The following PLXNA4 variants were observed in gnomAD, a reference collection of about 807,000 sequenced individuals.
PLXNA4 encodes plexin-A4.
In PLXNA4, 44 loss-of-function variants were observed where a neutral mutation model predicts 191.8. The observed-to-expected ratio is 0.23, with a 90% CI of 0.18 to 0.29. The LOEUF is 0.29. PLXNA4 is among the 10% of genes least tolerant of loss of function. PLXNA4 has a pLI of 1.00. For synonymous variants in PLXNA4, 1,082 were observed against 1,009.5 expected, an observed-to-expected ratio of 1.07 and a Z score of -1.36; for missense variants, 1,800 against 2,488.8, an observed-to-expected ratio of 0.72 and a Z score of 5.89.
chr7:132,626,005 C>T lies in PLXNA4; in HGVS notation c.-87+19923G>A, dbSNP rs193208854. Among the ~76,000 whole-genome samples, 97 of 152,330 alleles carry T rather than the reference C, an allele frequency of 6.4e-4. 1 individual carries two copies. Among genetic ancestry groups the T allele is most frequent in the African/African-American group, 2.2e-3 (92 of 41,574 alleles). On this transcript the variant is annotated intron_variant, in intron 2 of 4. Coordinates refer to the PLXNA4 transcript ENST00000378539. ...AAGCTTTAAGCAGGTCTTCTCCCCTCACAGGCCTCTCTATTCAGTTTATCC... is the reference window on the plus strand; with the variant it reads ...AAGCTTTAAGCAGGTCTTCTCCCCTTACAGGCCTCTCTATTCAGTTTATCC...
intron 4 of PLXNA4, among the ~76,000 whole-genome samples, chr7:132,287,043 G>T (rs1563013295): frequency 6.6e-6 from 1 of 152,140 alleles, no homozygotes; most frequent in Non-Finnish European, 1.5e-5. Context: ...GTTTTTGTTT[G>T]TTTGTTTTGG....
chr7:132,634,825 C>T (rs1010410933), intron 2 of PLXNA4, among the ~76,000 whole-genome samples: 1 of 152,092 alleles, frequency 6.6e-6, no homozygotes. Flanking sequence ...TTGAAGGATG[C>T]AAAATATTGA....
At chr7:132,601,927 T>C (rs543997405) in intron 2 of PLXNA4, among the ~76,000 whole-genome samples, 1 of 152,318 alleles carries the variant, frequency 6.6e-6, no homozygotes, top group East Asian at 1.9e-4. Flanking sequence ...AGAAAAGCAA[T>C]GTGGGAGCTG....
At chr7:132,574,999 C>G (rs950325230) in intron 1 of PLXNA4, among the ~76,000 whole-genome samples, 1 of 152,188 alleles carries the variant, frequency 6.6e-6, no homozygotes, top group Non-Finnish European at 1.5e-5. Flanking sequence ...ACAGAGGGTA[C>G]AAGCTTATTC....
chr7:132,551,751 A>G (rs926394663), intron 1 of PLXNA4, among the ~76,000 whole-genome samples: 2 of 152,224 alleles, frequency 1.3e-5, no homozygotes, highest in Non-Finnish European at 2.9e-5. Flanking sequence ...AAAGTGATTT[A>G]AGCCCCGGAA....
At chr7:132,624,737 C>A (rs1201400098) in intron 2 of PLXNA4, among the ~76,000 whole-genome samples, 1 of 152,152 alleles carries the variant, frequency 6.6e-6, no homozygotes, top group African/African-American at 2.4e-5. Context: ...TAAACACCAG[C>A]CCCACCAGCA....
At chr7:132,230,237 C>T (rs144923308) in intron 5 of PLXNA4, among the ~76,000 whole-genome samples, 3 of 152,290 alleles carry the variant, frequency 2.0e-5, no homozygotes, top group East Asian at 1.9e-4. Context: ...ACGCACCCTG[C>T]GGCCTGTAGA....
intron 10 of PLXNA4, among the ~76,000 whole-genome samples, chr7:132,205,282 C>A (rs753998114): frequency 2.6e-4 from 40 of 152,088 alleles, no homozygotes; most frequent in Non-Finnish European, 7.4e-5. Flanking sequence ...CAGAATCACC[C>A]GGGGGGCCTA....
chr7:132,264,684 C>CTTTTTTTTT (rs56218905), intron 4 of PLXNA4, among the ~76,000 whole-genome samples: 2 of 130,322 alleles, frequency 1.5e-5, no homozygotes, highest in Admixed American at 7.8e-5. Context: ...GTCCTCCCCG[C>CTTTTTTTTT]TTTTTTTTTT....
intron 3 of PLXNA4, among the ~76,000 whole-genome samples, chr7:132,394,664 A>G (rs1344251048): frequency 6.6e-6 from 1 of 152,256 alleles, no homozygotes; most frequent in East Asian, 1.9e-4. Flanking sequence ...CGCACGCAAC[A>G]TGCAATTAAA....
At chr7:132,362,663 G>A (rs1285264167) in intron 3 of PLXNA4, among the ~76,000 whole-genome samples, 1 of 152,184 alleles carries the variant, frequency 6.6e-6, no homozygotes, top group Non-Finnish European at 1.5e-5. Context: ...GGTATCACAT[G>A]CTATGTGTAT....
intron 7 of PLXNA4, among the ~76,000 whole-genome samples, 180 bp downstream of exon 7, chr7:132,227,271 C>T (rs930912260): frequency 6.6e-6 from 1 of 152,226 alleles, no homozygotes; most frequent in African/African-American, 2.4e-5. Context: ...ACAGTCAATG[C>T]CAAGGGCAAT....
intron 3 of PLXNA4, among the ~76,000 whole-genome samples, chr7:132,486,833 G>A (rs549978811): frequency 3.3e-5 from 5 of 152,282 alleles, no homozygotes; most frequent in South Asian, 4.2e-4. Flanking sequence ...CTGCCTGACC[G>A]ACTGCTGGAC....
At chr7:132,261,806 C>T (rs1423863025) in intron 4 of PLXNA4, among the ~76,000 whole-genome samples, 1 of 152,228 alleles carries the variant, frequency 6.6e-6, no homozygotes, top group African/African-American at 2.4e-5. Context: ...TAGATTTCAG[C>T]CCCTACTCAG....
At chr7:132,551,503 C>T (rs191841876) in intron 1 of PLXNA4, among the ~76,000 whole-genome samples, 12 of 152,260 alleles carry the variant, frequency 7.9e-5, no homozygotes, top group African/African-American at 2.9e-4. Context: ...TACAAAATGC[C>T]GGTCGTGTCC....
rs902626595 is a variant in PLXNA4, at chr7:132,454,275, C to T, written c.1371+35017G>A. Among the ~76,000 whole-genome samples, 5 of 152,310 alleles carry T rather than the reference C, an allele frequency of 3.3e-5. No homozygotes were observed. The East Asian group carries it at 5.8e-4, about 18-fold the overall frequency. ...GGGTGAAGCCATTTCATCAAGGCCACGTGACTCTTAAGCCTCATCTCAAAG... is the reference window on the plus strand; with the variant it reads ...GGGTGAAGCCATTTCATCAAGGCCATGTGACTCTTAAGCCTCATCTCAAAG... On this transcript the variant is annotated intron_variant, in intron 3 of 31. Coordinates refer to ENST00000321063, the MANE Select transcript of PLXNA4 (RefSeq NM_020911.2).
intron 2 of PLXNA4, among the ~76,000 whole-genome samples, chr7:132,622,654 G>C (rs1466594670): frequency 6.6e-6 from 1 of 152,200 alleles, no homozygotes; most frequent in Admixed American, 6.5e-5. Context: ...GATGACTCCA[G>C]TTGTTGGTCA....
intron 1 of PLXNA4, among the ~76,000 whole-genome samples, chr7:132,537,049 G>A (rs1482199868): frequency 6.6e-6 from 1 of 152,218 alleles, no homozygotes; most frequent in Non-Finnish European, 1.5e-5. Flanking sequence ...TGAAGCGACA[G>A]GTTACGTATA....
At chr7:132,469,817 G>A (rs1796865879) in intron 3 of PLXNA4, among the ~76,000 whole-genome samples, 1 of 152,184 alleles carries the variant, frequency 6.6e-6, no homozygotes, top group Non-Finnish European at 1.5e-5. Context: ...GCGGAAGATG[G>A]CAGTAGTGCC....
Sources: allele counts gnomAD v4.1 joint callset (sites outside exome capture counted in the v4.1 genomes callset), GRCh38; gene constraint gnomAD v4.1.1; transcripts MANE v1.5; gene names NCBI Gene and HGNC (gene_info 2026-07-23, HGNC 2026-07-21).